Variants in DENND1A observed in about 807,000 individuals in gnomAD.
The protein encoded by DENND1A is DENN domain containing 1A, also known as DENN domain-containing protein 1A.
DENND1A carries 51 observed loss-of-function variants against 113.7 expected under a neutral mutation model. The observed-to-expected ratio is 0.45, with a 90% CI of 0.36 to 0.57. DENND1A has a LOEUF of 0.57. DENND1A is among the 20% of genes least tolerant of loss of function. The pLI, the probability that DENND1A is intolerant of heterozygous loss-of-function variation, is 0.00. For synonymous variants in DENND1A, 565 were observed against 570.8 expected (o/e 0.99, Z 0.14); for missense variants, 1,258 against 1,395.9 (o/e 0.90, Z 1.57).
chr9:123,385,702 C>T (rs1476056175), intron 22 of DENND1A, among the ~76,000 whole-genome samples: 1 of 152,216 alleles, frequency 6.6e-6, no homozygotes, highest in African/African-American at 2.4e-5. Flanking sequence ...GGAAGTCGGA[C>T]TTACACCCCC....
At chr9:123,870,049 C>A (rs1463377535) in intron 2 of DENND1A, among the ~76,000 whole-genome samples, 7 of 150,924 alleles carry the variant, frequency 4.6e-5, no homozygotes, top group Non-Finnish European at 8.8e-5. Flanking sequence ...CCCTAACACT[C>A]CATAAGATGG....
chr9:123,879,565 C>A (rs1848026320), intron 1 of DENND1A, among the ~76,000 whole-genome samples: 1 of 152,038 alleles, frequency 6.6e-6, no homozygotes, highest in Non-Finnish European at 1.5e-5. Context: ...CACACACACA[C>A]ACACACACAA....
chr9:123,552,315 C>A (rs957296714), intron 13 of DENND1A, among the ~76,000 whole-genome samples: 1 of 152,178 alleles, frequency 6.6e-6, no homozygotes, highest in African/African-American at 2.4e-5. Flanking sequence ...GGACAGGCAC[C>A]GTGCTGGGCT....
At chr9:123,928,194 A>C (rs917864260) in intron 1 of DENND1A, among the ~76,000 whole-genome samples, 1 of 152,232 alleles carries the variant, frequency 6.6e-6, no homozygotes, top group Non-Finnish European at 1.5e-5. Context: ...TGTATTTGTC[A>C]ACCTGCTACC....
At chr9:123,559,532 T>C (rs550600122) in intron 12 of DENND1A, among the ~76,000 whole-genome samples, 9 of 152,108 alleles carry the variant, frequency 5.9e-5, no homozygotes, top group South Asian at 2.1e-4. Flanking sequence ...CCTGTGACCC[T>C]AGAAATATTA....
intron 10 of DENND1A, among the ~76,000 whole-genome samples, chr9:123,625,788 C>G (rs2061181225): frequency 6.6e-6 from 1 of 152,174 alleles, no homozygotes; most frequent in Admixed American, 6.5e-5. Flanking sequence ...AATTATACTA[C>G]CACTTGGCAG....
chr9:123,444,392 T>C (rs564904861), intron 18 of DENND1A, among the ~76,000 whole-genome samples: 12 of 152,276 alleles, frequency 7.9e-5, no homozygotes, highest in African/African-American at 2.9e-4. Flanking sequence ...GTGGGCCTGG[T>C]GCAGTAATCC....
At chr9:123,485,656 G>GCACACACACACACACACACACACACA (rs77062893) in intron 13 of DENND1A, 1 of 141,240 alleles carries the variant, frequency 7.1e-6, no homozygotes, top group African/African-American at 2.9e-5. Context: ...GCGCGCGCGC[G>GCACACACACACACACACACACACACA]CACACACACA....
intron 18 of DENND1A, among the ~76,000 whole-genome samples, chr9:123,443,548 G>A (rs2047082258): frequency 6.6e-6 from 1 of 152,238 alleles, no homozygotes. Context: ...ATAAAGTCCT[G>A]TGGTGCAGGC....
intron 5 of DENND1A, among the ~76,000 whole-genome samples, chr9:123,701,063 T>C (rs1311942270): frequency 6.6e-6 from 1 of 152,198 alleles, no homozygotes; most frequent in Admixed American, 6.5e-5. Flanking sequence ...ACTGAAGACC[T>C]AAGTATAAGA....
intron 2 of DENND1A, among the ~76,000 whole-genome samples, chr9:123,852,032 C>A (rs753939348): frequency 6.6e-6 from 1 of 152,154 alleles, no homozygotes; most frequent in African/African-American, 2.4e-5. Context: ...ATTTGGGGAC[C>A]GCTATTGAGT....
intron 19 of DENND1A, among the ~76,000 whole-genome samples, chr9:123,438,345 A>G (rs2046675943): frequency 6.6e-6 from 1 of 152,230 alleles, no homozygotes; most frequent in Non-Finnish European, 1.5e-5. Context: ...AGGGGCCGGC[A>G]TAAGTGAGCT....
At chr9:123,448,920 A>G (rs745693175) in intron 18 of DENND1A, among the ~76,000 whole-genome samples, 2 of 152,258 alleles carry the variant, frequency 1.3e-5, no homozygotes, top group Non-Finnish European at 2.9e-5. Flanking sequence ...GCAGAGCTAG[A>G]CAAAGGGCCT....
chr9:123,544,578 C>T (rs1168170781), intron 13 of DENND1A, among the ~76,000 whole-genome samples: 2 of 152,200 alleles, frequency 1.3e-5, no homozygotes, highest in Non-Finnish European at 2.9e-5. Context: ...GGGGCCAATC[C>T]TGTCTCTGCC....
intron 20 of DENND1A, 87 bp from the exon 21 acceptor site, chr9:123,403,577 C>T: frequency 7.9e-7 from 1 of 1,261,688 alleles, no homozygotes; most frequent in East Asian, 2.5e-5. Flanking sequence ...ATAAACGGCC[C>T]CCCCAAAAAA....
chr9:123,794,679 A>T (rs1393044547), intron 2 of DENND1A, among the ~76,000 whole-genome samples: 7 of 152,188 alleles, frequency 4.6e-5, no homozygotes, highest in Admixed American at 4.6e-4. Context: ...TTCAATTTTT[A>T]AAAATACCAT....
chr9:123,812,359 T>C (rs1836763198), intron 2 of DENND1A, among the ~76,000 whole-genome samples: 1 of 152,206 alleles, frequency 6.6e-6, no homozygotes, highest in African/African-American at 2.4e-5. Flanking sequence ...TTCTTTATTC[T>C]ATATTAATAA....
intron 5 of DENND1A, among the ~76,000 whole-genome samples, chr9:123,750,969 A>T (rs1420957971): frequency 6.6e-6 from 1 of 152,164 alleles, no homozygotes; most frequent in South Asian, 2.1e-4. Flanking sequence ...CTGTCCCCAC[A>T]GCCTTCCTCC....
chr9:123,926,208 T>C (rs1160295295), intron 1 of DENND1A, among the ~76,000 whole-genome samples: 1 of 152,216 alleles, frequency 6.6e-6, no homozygotes, highest in Non-Finnish European at 1.5e-5. Context: ...TGCATACTGG[T>C]GACCTTCTCT....
Sources: gnomAD v4.1 joint callset for allele counts (sites outside exome capture counted in the v4.1 genomes callset) on GRCh38, gnomAD v4.1.1 for gene constraint, MANE v1.5 for transcripts, NCBI Gene and HGNC (gene_info 2026-07-23, HGNC 2026-07-21) for gene names.